MAN2A1: variants seen among roughly 807,000 people sequenced by gnomAD.
MAN2A1 encodes the protein alpha-mannosidase 2.
Under a neutral mutation model 142.6 loss-of-function variants are expected in MAN2A1, and 76 were observed. That is an observed-to-expected ratio of 0.53 (90% CI 0.44 to 0.65). The LOEUF (loss-of-function observed/expected upper bound fraction) is 0.65. MAN2A1 is among the 30% of genes least tolerant of loss of function. The pLI is 0.00. For synonymous variants in MAN2A1, 559 were observed against 473.2 expected (o/e 1.18, Z -2.35); for missense variants, 1,311 against 1,365.1 (o/e 0.96, Z 0.62).
At chr5:109,697,201 A>G (rs1331551541) in intron 1 of MAN2A1, among the ~76,000 whole-genome samples, 6 of 152,228 alleles carry the variant, frequency 3.9e-5, no homozygotes, top group Non-Finnish European at 8.8e-5. Flanking sequence ...AAATGTCTGC[A>G]GTTTTCTCAG....
intron 16 of MAN2A1, among the ~76,000 whole-genome samples, chr5:109,826,175 G>C (rs1754755442): frequency 6.6e-6 from 1 of 151,630 alleles, no homozygotes; most frequent in Admixed American, 6.6e-5. Flanking sequence ...CAAAGTGCTG[G>C]TATTATAGGC....
intron 10 of MAN2A1, 133 bp downstream of exon 10, chr5:109,785,059 A>G (rs1753561803): frequency 5.0e-6 from 3 of 596,576 alleles, no homozygotes; most frequent in Admixed American, 3.7e-5. Flanking sequence ...GTATTACTGT[A>G]TCAAAACAGC....
At chr5:109,743,951 G>C (rs940943684) in intron 4 of MAN2A1, among the ~76,000 whole-genome samples, 1 of 152,086 alleles carries the variant, frequency 6.6e-6, no homozygotes, top group African/African-American at 2.4e-5. Flanking sequence ...ACTCTACTCA[G>C]GCATTCTGAG....
chr5:109,730,248 G>A (rs1751866415), intron 4 of MAN2A1, among the ~76,000 whole-genome samples: 1 of 152,166 alleles, frequency 6.6e-6, no homozygotes, highest in South Asian at 2.1e-4. Context: ...ATTGGTAACA[G>A]TGTTGCATAT....
intron 1 of MAN2A1, among the ~76,000 whole-genome samples, chr5:109,699,282 A>C (rs895701256): frequency 1.3e-5 from 2 of 152,090 alleles, no homozygotes; most frequent in Non-Finnish European, 2.9e-5. Context: ...TATCATCTAC[A>C]TTTCATTCTG....
intron 4 of MAN2A1, among the ~76,000 whole-genome samples, chr5:109,730,164 T>C (rs946898091): frequency 1.3e-5 from 2 of 152,232 alleles, no homozygotes; most frequent in African/African-American, 4.8e-5. Flanking sequence ...ATTTGCTTTT[T>C]AGTCAGCAAT....
At chr5:109,776,772 C>T (rs1478148106) in intron 8 of MAN2A1, among the ~76,000 whole-genome samples, 1 of 152,138 alleles carries the variant, frequency 6.6e-6, no homozygotes, top group Non-Finnish European at 1.5e-5. Flanking sequence ...GCCGCAAAAG[C>T]AACCACTACT....
At chr5:109,781,063 G>A (rs915330087) in intron 8 of MAN2A1, among the ~76,000 whole-genome samples, 1 of 152,058 alleles carries the variant, frequency 6.6e-6, no homozygotes, top group African/African-American at 2.4e-5. Context: ...TTTCATTTAT[G>A]TGGATTAATC....
intron 1 of MAN2A1, among the ~76,000 whole-genome samples, chr5:109,691,437 G>GTAACGAATGAACC (rs1750669796): frequency 6.6e-6 from 1 of 152,208 alleles, no homozygotes; most frequent in Non-Finnish European, 1.5e-5. Flanking sequence ...AGTGTGCTCT[G>GTAACGAATGAACC]TAACGAATGA....
chr5:109,805,419 T>C (rs1242271346), intron 12 of MAN2A1, among the ~76,000 whole-genome samples: 1 of 152,222 alleles, frequency 6.6e-6, no homozygotes, highest in African/African-American at 2.4e-5. Flanking sequence ...TTGTGAAAAG[T>C]TCCTGAAATT....
intron 12 of MAN2A1, among the ~76,000 whole-genome samples, chr5:109,803,448 G>A (rs534379945): frequency 6.6e-6 from 1 of 151,938 alleles, no homozygotes; most frequent in Non-Finnish European, 1.5e-5. Flanking sequence ...TTTTAATTGT[G>A]TGTTTTGTGT....
chr5:109,716,206 T>C lies in MAN2A1; in HGVS notation c.477T>C (p.Asn159=), dbSNP rs548529774. ...GATTTGACATTACTTATGAATCTAA[T>C]GAATGGGACACTGAACCCCTTCAAG... ...KQGFDITYES[N]EWDTEPLQVF... Residue 159 remains asparagine (N), a synonymous_variant, in exon 3 of 22, where the codon AAT becomes AAC. Coordinates refer to ENST00000261483, the MANE Select transcript of MAN2A1 (RefSeq NM_002372.4). 6.2e-7 allele frequency: 1 copy of C among 1,612,234 alleles called. No individual in the cohort carries two copies. The highest frequency in any genetic ancestry group is 1.3e-5 in the African/African-American group (1 of 75,008).
At position 109,707,224 on chromosome 5, in the gene MAN2A1, C is replaced by G. The variant is rs181724085; in HGVS notation, c.136-6296C>G. Among the ~76,000 whole-genome samples, 25 of 152,280 alleles carry G rather than the reference C, an allele frequency of 1.6e-4. No individual in the cohort carries two copies. The East Asian group carries it at 4.6e-3, about 28-fold the overall frequency. On this transcript the variant is annotated intron_variant, in intron 1 of 21. Coordinates refer to ENST00000261483, the MANE Select transcript of MAN2A1 (RefSeq NM_002372.4). The stretch of plus-strand genomic sequence containing the variant: ...CACCCTATTAATTAGCTCTTTCCTT[C>G]CCATTCTTACCTACTTTTTGGGATG...
In MAN2A1 at chr5:109,715,007, A is replaced by T. The variant is rs76640200; in HGVS notation, c.391-1113A>T. Among the ~76,000 whole-genome samples the T allele has an allele frequency of 2.0e-5, 3 of 151,358 alleles. 1 individual carries two copies. Among genetic ancestry groups the T allele is most frequent in the East Asian group, 3.9e-4 (2 of 5,110 alleles). ...GGAACAGCAAAAAAAAAAAAAAAAA[A>T]TTATTTTTGTTGTGTGGTCTAAATC... is the stretch of plus-strand genomic sequence containing the variant. On this transcript the variant is annotated intron_variant, in intron 2 of 21. Coordinates refer to ENST00000261483, the MANE Select transcript of MAN2A1 (RefSeq NM_002372.4).
At chr5:109,736,033 A>G (rs186085213) in intron 4 of MAN2A1, among the ~76,000 whole-genome samples, 92 of 152,236 alleles carry the variant, frequency 6.0e-4, no homozygotes, top group Non-Finnish European at 9.7e-4. Context: ...ATGTGCTGCT[A>G]CTGGAACCAG....
chr5:109,783,878 T>G (rs1203135745), intron 9 of MAN2A1, among the ~76,000 whole-genome samples: 1 of 152,102 alleles, frequency 6.6e-6, no homozygotes, highest in Non-Finnish European at 1.5e-5. Flanking sequence ...GACATTTTTT[T>G]TTTAAGAGAC....
rs770008869 is a variant in MAN2A1, at chr5:109,775,824, AAAAC to A, written c.1374+862_1374+865del. On this transcript the variant is annotated intron_variant, in intron 8 of 21. Coordinates refer to ENST00000261483, the MANE Select transcript of MAN2A1 (RefSeq NM_002372.4). The stretch of plus-strand genomic sequence containing the variant: ...GATTCAAATTTTCCTCATCTCATAA[AAAAC>A]AATTCTTTTAACACATGCTTTGTTT... Among the ~76,000 whole-genome samples, 10 of 152,304 alleles carry A rather than the reference AAAAC, an allele frequency of 6.6e-5. No individual in the cohort carries two copies. The East Asian group carries it at 1.9e-3, about 29-fold the overall frequency.
At chr5:109,755,268 G>T (rs1012420091) in intron 4 of MAN2A1, 61 bp from the exon 5 acceptor site, 9 of 1,327,926 alleles carry the variant, frequency 6.8e-6, no homozygotes, top group Non-Finnish European at 7.5e-6. Flanking sequence ...TGCTTGTTTA[G>T]TTTTTCATTT....
chr5:109,720,588 G>A (rs1392759689), intron 3 of MAN2A1, among the ~76,000 whole-genome samples: 1 of 152,150 alleles, frequency 6.6e-6, no homozygotes, highest in East Asian at 1.9e-4. Flanking sequence ...TATTAGGGGT[G>A]TCCAATCTTT....
Sources: gnomAD v4.1 joint callset for allele counts (sites outside exome capture counted in the v4.1 genomes callset) on GRCh38, gnomAD v4.1.1 for gene constraint, MANE v1.5 for transcripts, NCBI Gene and HGNC (gene_info 2026-07-23, HGNC 2026-07-21) for gene names.